Variants in KIAA1217 observed in about 807,000 individuals in gnomAD.
The protein encoded by KIAA1217 is KIAA1217, also known as sickle tail protein homolog.
Under a neutral mutation model 163.9 loss-of-function variants are expected in KIAA1217, and 88 were observed. That is an observed-to-expected ratio of 0.54 (90% CI 0.45 to 0.64). KIAA1217 has a LOEUF of 0.64. Ranked by LOEUF, KIAA1217 falls within the 30% of genes least tolerant of loss-of-function variation. KIAA1217 has a pLI of 0.00. For synonymous variants in KIAA1217, 903 were observed against 923.1 expected, an observed-to-expected ratio of 0.98 and a Z score of 0.39; for missense variants, 2,372 against 2,475.0, an observed-to-expected ratio of 0.96 and a Z score of 0.88.
rs536507369 is a variant in KIAA1217, at chr10:24,533,300, C to A, written c.3414+63C>A. 1.4e-4 allele frequency: 215 copies of A among 1,498,518 alleles called. No homozygotes were observed. The African/African-American group carries it at 2.6e-3, about 18-fold the overall frequency. The allele number at this position is 1,498,518 out of a possible 1,614,324, so 92.8% of individuals were successfully genotyped here. ...CCCGCCTGGGTCTCTCCAGCCATGG[C>A]ACTCACAGATTTGTTAGCGAGAAGG... On this transcript the variant is annotated intron_variant, in intron 16 of 20. Transcript: ENST00000376454.
At chr10:24,391,804 A>G (rs1212467011) in intron 3 of KIAA1217, among the ~76,000 whole-genome samples, 1 of 152,230 alleles carries the variant, frequency 6.6e-6, no homozygotes, top group African/African-American at 2.4e-5. Flanking sequence ...AAGCCATTTC[A>G]GAAAATCAGT....
At chr10:24,362,428 A>G (rs969516367) in intron 2 of KIAA1217, among the ~76,000 whole-genome samples, 30 of 152,352 alleles carry the variant, frequency 2.0e-4, no homozygotes, top group Middle Eastern at 3.4e-3. Context: ...AAAAGAAAAG[A>G]AGAAGAAAAG....
At chr10:23,888,342 T>C (rs1841272804) in intron 1 of KIAA1217, among the ~76,000 whole-genome samples, 1 of 151,958 alleles carries the variant, frequency 6.6e-6, no homozygotes, top group South Asian at 2.1e-4. Context: ...TTCAAATTGC[T>C]TTTTCCTTCT....
chr10:24,204,572 C>T (rs895222790), upstream of KIAA1217, among the ~76,000 whole-genome samples: 4 of 152,146 alleles, frequency 2.6e-5, no homozygotes, highest in South Asian at 6.2e-4. Context: ...AAACCTAAGG[C>T]GCCCAGAGGG....
chr10:24,000,531 C>T (rs1846691316), intron 1 of KIAA1217, among the ~76,000 whole-genome samples: 2 of 152,166 alleles, frequency 1.3e-5, no homozygotes, highest in South Asian at 2.1e-4. Flanking sequence ...CCCAGTCTCT[C>T]GTATGTCCTT....
At chr10:23,949,054 A>G (rs560629982) in intron 1 of KIAA1217, among the ~76,000 whole-genome samples, 48 of 150,812 alleles carry the variant, frequency 3.2e-4, no homozygotes, top group African/African-American at 1.2e-3. Context: ...AAAGAAAAAG[A>G]AAAGGAAAGC....
At chr10:23,749,234 CT>C (rs1357994015) in intron 1 of KIAA1217, among the ~76,000 whole-genome samples, 2 of 152,112 alleles carry the variant, frequency 1.3e-5, no homozygotes, top group Admixed American at 1.3e-4. Flanking sequence ...GGTTTTCTAC[CT>C]TTATTTCAAT....
intron 4 of KIAA1217, among the ~76,000 whole-genome samples, chr10:24,436,935 C>T (rs1408803058): frequency 6.6e-6 from 1 of 152,042 alleles, no homozygotes; most frequent in Non-Finnish European, 1.5e-5. Flanking sequence ...GTGTTAGGCT[C>T]CTCATATTTT....
At chr10:24,344,871 T>C (rs968314438) in intron 2 of KIAA1217, among the ~76,000 whole-genome samples, 5 of 152,236 alleles carry the variant, frequency 3.3e-5, no homozygotes, top group African/African-American at 1.2e-4. Flanking sequence ...ATTCAGTTAG[T>C]TGATACAATT....
At chr10:24,104,517 G>A (rs1396747056) in intron 2 of KIAA1217, among the ~76,000 whole-genome samples, 1 of 152,188 alleles carries the variant, frequency 6.6e-6, no homozygotes, top group Non-Finnish European at 1.5e-5. Context: ...CTGGGAGGAA[G>A]GAGGGATGAA....
intron 2 of KIAA1217, among the ~76,000 whole-genome samples, chr10:24,243,902 T>A (rs1461052617): frequency 6.6e-6 from 1 of 152,174 alleles, no homozygotes; most frequent in African/African-American, 2.4e-5. Flanking sequence ...TCAGAGATTA[T>A]CTTTGATCAA....
chr10:24,195,108 C>T (rs548396879), intron 2 of KIAA1217, among the ~76,000 whole-genome samples: 1 of 152,192 alleles, frequency 6.6e-6, no homozygotes, highest in East Asian at 1.9e-4. Flanking sequence ...CTCCAGGCAA[C>T]CCTCCCCTTG....
intron 1 of KIAA1217, among the ~76,000 whole-genome samples, chr10:23,750,030 C>T (rs1339632516): frequency 1.3e-5 from 2 of 151,614 alleles, no homozygotes; most frequent in Admixed American, 6.6e-5. Context: ...CTTTTTTTGA[C>T]CTTCCTCACG....
At chr10:24,244,328 A>C (rs2073490821) in intron 2 of KIAA1217, among the ~76,000 whole-genome samples, 1 of 152,174 alleles carries the variant, frequency 6.6e-6, no homozygotes, top group Non-Finnish European at 1.5e-5. Context: ...TTTACAGCTG[A>C]GGCCCTTTTC....
chr10:23,876,633 A>G (rs1165507718), intron 1 of KIAA1217, among the ~76,000 whole-genome samples: 1 of 152,006 alleles, frequency 6.6e-6, no homozygotes, highest in Non-Finnish European at 1.5e-5. Context: ...CCATACACAC[A>G]TCTTCTACAA....
At chr10:24,335,948 G>A (rs547358463) in intron 2 of KIAA1217, among the ~76,000 whole-genome samples, 123 of 152,306 alleles carry the variant, frequency 8.1e-4, no homozygotes, top group African/African-American at 2.7e-3. Context: ...TTGGCTGAGC[G>A]CAGTGGCTCA....
chr10:24,446,741 C>T (rs1324317270), intron 5 of KIAA1217, among the ~76,000 whole-genome samples: 4 of 152,198 alleles, frequency 2.6e-5, no homozygotes, highest in South Asian at 4.1e-4. Context: ...CTTGTATTTA[C>T]TGCCATTTGA....
At chr10:23,769,245 G>A (rs1010824286) in intron 1 of KIAA1217, among the ~76,000 whole-genome samples, 1 of 152,192 alleles carries the variant, frequency 6.6e-6, no homozygotes, top group African/African-American at 2.4e-5. Flanking sequence ...GTCTTGAAAT[G>A]AGGCAGTTCT....
intron 5 of KIAA1217, among the ~76,000 whole-genome samples, chr10:24,447,380 TC>T (rs35858749): frequency 1.3e-5 from 2 of 152,118 alleles, no homozygotes; most frequent in Admixed American, 1.3e-4. Context: ...ATGCTATGCC[TC>T]CCCACTCCTC....
Sources: allele counts gnomAD v4.1 joint callset (sites outside exome capture counted in the v4.1 genomes callset), GRCh38; gene constraint gnomAD v4.1.1; transcripts MANE v1.5; gene names NCBI Gene and HGNC (gene_info 2026-07-23, HGNC 2026-07-21).